TNRC6C: variants seen among roughly 807,000 people sequenced by gnomAD.
The protein encoded by TNRC6C is trinucleotide repeat containing adaptor 6C.
Under a neutral mutation model 153.7 loss-of-function variants are expected in TNRC6C, and 20 were observed. That is an observed-to-expected ratio of 0.13 (90% CI 0.09 to 0.19). The LOEUF (loss-of-function observed/expected upper bound fraction) is 0.19, where lower values mean the gene tolerates loss of function less well. Ranked by LOEUF, TNRC6C falls within the 10% of genes least tolerant of loss-of-function variation. The probability of loss-of-function intolerance (pLI) is 1.00; values close to 1 mark genes in which losing one functional copy is unlikely to be tolerated. For missense variants in TNRC6C, 1,987 were observed against 2,172.0 expected, an observed-to-expected ratio of 0.91 and a Z score of 1.69; for synonymous variants, 811 against 841.4, an observed-to-expected ratio of 0.96 and a Z score of 0.63.
intron 2 of TNRC6C, among the ~76,000 whole-genome samples, chr17:78,033,406 A>G (rs2072111900): frequency 6.6e-6 from 1 of 152,244 alleles, no homozygotes; most frequent in African/African-American, 2.4e-5. Flanking sequence ...ACAGTGGCTC[A>G]CGCCTGTAAT....
At chr17:78,099,257 A>G (rs1273966250) in intron 17 of TNRC6C, among the ~76,000 whole-genome samples, 2 of 152,360 alleles carry the variant, frequency 1.3e-5, no homozygotes, top group South Asian at 2.1e-4. Context: ...ACAGTGAGCT[A>G]TGCTTGAGCC....
intron 2 of TNRC6C, among the ~76,000 whole-genome samples, chr17:78,036,571 T>C (rs2072182353): frequency 1.3e-5 from 2 of 152,154 alleles, no homozygotes; most frequent in African/African-American, 4.8e-5. Context: ...TGTGTAAGAA[T>C]AGATAAAATG....
chr17:78,054,827 C>T (rs974664240), intron 3 of TNRC6C, among the ~76,000 whole-genome samples: 6 of 151,898 alleles, frequency 4.0e-5, no homozygotes, highest in East Asian at 1.9e-4. Context: ...GACTACTGTA[C>T]GCTACCATAC....
intron 1 of TNRC6C, among the ~76,000 whole-genome samples, chr17:77,995,787 T>A (rs924209098): frequency 3.3e-5 from 5 of 152,232 alleles, no homozygotes; most frequent in African/African-American, 1.2e-4. Context: ...AAAATTATAC[T>A]GTCATTTTCT....
At chr17:78,020,927 C>T (rs1419222261) in intron 1 of TNRC6C, among the ~76,000 whole-genome samples, 1 of 152,240 alleles carries the variant, frequency 6.6e-6, no homozygotes, top group African/African-American at 2.4e-5. Flanking sequence ...CAGTCAATTG[C>T]ACAAGCTTTA....
At chr17:77,993,360 G>T (rs1160755894) in intron 1 of TNRC6C, among the ~76,000 whole-genome samples, 1 of 152,216 alleles carries the variant, frequency 6.6e-6, no homozygotes, top group Non-Finnish European at 1.5e-5. Context: ...TTTGCTTCTT[G>T]AGATTGGTAT....
At position 78,092,887 on chromosome 17, in the gene TNRC6C, A is replaced by G. The variant is rs751034747; in HGVS notation, c.3971-46A>G. 5 of 1,581,132 alleles carry G rather than the reference A, an allele frequency of 3.2e-6. No individual in the cohort carries two copies. The Admixed American group carries it at 5.1e-5, about 16-fold the overall frequency. The stretch of plus-strand genomic sequence containing the variant: ...TTAGGGTATCTTCTGGTGTCTCTCA[A>G]CTGGAGAGTATTCACTCGCTTCTTT... On this transcript the variant is annotated intron_variant, in intron 14 of 19. Transcript: ENST00000301624.
chr17:77,960,302 C>T (rs954419466), intron 1 of TNRC6C, among the ~76,000 whole-genome samples: 2 of 152,126 alleles, frequency 1.3e-5, no homozygotes, highest in Non-Finnish European at 2.9e-5. Context: ...AAGTTGGAGC[C>T]TTCTGACTGG....
intron 1 of TNRC6C, chr17:78,008,687 G>A (rs1335658514): frequency 1.3e-5 from 2 of 152,140 alleles, no homozygotes; most frequent in Non-Finnish European, 2.9e-5. Context: ...GTCTCAGAGT[G>A]TTGGGTTGTT....
At chr17:78,102,677 A>C in intron 18 of TNRC6C, 133 bp downstream of exon 21, 1 of 823,658 alleles carries the variant, frequency 1.2e-6, no homozygotes, top group Non-Finnish European at 1.8e-6. Flanking sequence ...GTGACGCTGC[A>C]TGGGAGGAGA....
At chr17:77,982,089 C>T (rs1341294187) in intron 1 of TNRC6C, among the ~76,000 whole-genome samples, 1 of 152,142 alleles carries the variant, frequency 6.6e-6, no homozygotes, top group African/African-American at 2.4e-5. Flanking sequence ...CATATGGGGA[C>T]ACAGCAAGAA....
chr17:78,058,563 A>C (rs1319323513), intron 3 of TNRC6C, among the ~76,000 whole-genome samples: 9 of 152,248 alleles, frequency 5.9e-5, no homozygotes, highest in Non-Finnish European at 1.5e-5. Context: ...TATACAGTTG[A>C]TCCAAGCTAA....
intron 1 of TNRC6C, among the ~76,000 whole-genome samples, chr17:78,006,260 A>G (rs1307067446): frequency 6.6e-6 from 1 of 152,206 alleles, no homozygotes; most frequent in Non-Finnish European, 1.5e-5. Context: ...GAGGGAGTTA[A>G]TGCTCAATGA....
chr17:78,051,225 A>G (rs747682171), exon 3 of TNRC6C: 1 of 1,563,704 alleles, frequency 6.4e-7, no homozygotes, highest in Non-Finnish European at 8.7e-7. Flanking sequence ...TTCGCCGCAA[A>G]ATGGAAATTG....
intron 1 of TNRC6C, among the ~76,000 whole-genome samples, chr17:77,970,449 A>G (rs894165012): frequency 1.3e-5 from 2 of 152,074 alleles, no homozygotes; most frequent in African/African-American, 4.8e-5. Context: ...GGGTCTTCCT[A>G]TGTTGCTGGG....
At chr17:78,070,784 A>G (rs2072979100) in intron 5 of TNRC6C, among the ~76,000 whole-genome samples, 1 of 152,226 alleles carries the variant, frequency 6.6e-6, no homozygotes, top group Admixed American at 6.5e-5. Flanking sequence ...ATTATTGGAT[A>G]GTAAAAGTAG....
At chr17:78,012,730 G>T (rs1598685570) in intron 1 of TNRC6C, among the ~76,000 whole-genome samples, 2 of 152,262 alleles carry the variant, frequency 1.3e-5, no homozygotes, top group African/African-American at 2.4e-5. Context: ...GTACAAAAAA[G>T]AAATTTTACA....
At chr17:78,051,774 G>A (rs369661333) in intron 3 of TNRC6C, among the ~76,000 whole-genome samples, 8 of 152,130 alleles carry the variant, frequency 5.3e-5, no homozygotes, top group Non-Finnish European at 1.0e-4. Flanking sequence ...CCAAGATTTC[G>A]TAACCATTTG....
At chr17:77,972,145 TC>T (rs1420993810) in intron 1 of TNRC6C, among the ~76,000 whole-genome samples, 1 of 151,906 alleles carries the variant, frequency 6.6e-6, no homozygotes, top group South Asian at 2.1e-4. Flanking sequence ...ATTGCAAAGA[TC>T]AACAAAATTG....
Sources: allele counts gnomAD v4.1 joint callset (sites outside exome capture counted in the v4.1 genomes callset), GRCh38; gene constraint gnomAD v4.1.1; transcripts MANE v1.5; gene names NCBI Gene and HGNC (gene_info 2026-07-23, HGNC 2026-07-21).